Variants in PCDHGA5 observed in about 807,000 individuals in gnomAD.
PCDHGA5 encodes the protein protocadherin gamma subfamily A, 5.
In PCDHGA5, 36 loss-of-function variants were observed where a neutral mutation model predicts 56.7. The ratio of observed to expected loss-of-function variants is 0.64; its 90% CI spans 0.49 to 0.84. The LOEUF is 0.84. PCDHGA5 is among the 40% of genes least tolerant of loss of function. PCDHGA5 has a pLI of 0.00. For synonymous variants in PCDHGA5, 563 were observed against 520.2 expected, an observed-to-expected ratio of 1.08 and a Z score of -1.12; for missense variants, 1,305 against 1,201.5, an observed-to-expected ratio of 1.09 and a Z score of -1.27.
At position 141,490,712 on chromosome 5, in the gene PCDHGA5, A is replaced by T; in HGVS notation, c.2422-4095A>T. The stretch of plus-strand genomic sequence containing the variant: ...ACTGGGGATAATGCCCGCCTCACCT[A>T]CTCCATTGTAGGAAATCAGGTTCAG... On this transcript the variant is annotated intron_variant, in intron 1 of 3. Transcript: ENST00000518069. The surrounding 1 kb of genome is among the most constrained non-coding windows in gnomAD (Gnocchi z 5.4). The T allele has an allele frequency of 6.2e-7, 1 of 1,613,686 alleles. No homozygotes were observed. The highest frequency in any genetic ancestry group is 8.5e-7 in the Non-Finnish European group (1 of 1,179,894).
In PCDHGA5 at chr5:141,432,476, A is replaced by C; in HGVS notation, c.2422-62331A>C. 6.2e-7 allele frequency: 1 copy of C among 1,614,080 alleles called. No homozygotes were observed. The highest frequency in any genetic ancestry group is 8.5e-7 in the Non-Finnish European group (1 of 1,180,012). Reference sequence around the variant, plus strand: ...CCCCGCCCTCCCCACGGACGGTTCCACTGGCGTGGAGCTGGCTCCCCGCTC... The same window carrying C: ...CCCCGCCCTCCCCACGGACGGTTCCCCTGGCGTGGAGCTGGCTCCCCGCTC... On this transcript the variant is annotated intron_variant, in intron 1 of 3. Transcript: ENST00000518069. The surrounding 1 kb of genome is among the most constrained non-coding windows in gnomAD (Gnocchi z 6.0).
chr5:141,400,566 A>G (rs754437274), intron 1 of PCDHGA5: 94 of 1,612,572 alleles, frequency 5.8e-5, no homozygotes, highest in Non-Finnish European at 7.7e-5. Flanking sequence ...TACCCACCCA[A>G]TTTTCTGTAT....
Position 141,489,510 on chromosome 5 carries a change from T to A in PCDHGA5, c.2422-5297T>A, listed in dbSNP as rs762210983. 1 of 1,614,124 alleles carries A rather than the reference T, an allele frequency of 6.2e-7. No individual in the cohort carries two copies. The highest frequency in any genetic ancestry group is 1.7e-5 in the Admixed American group (1 of 60,022). On this transcript the variant is annotated intron_variant, in intron 1 of 3. Transcript: ENST00000518069. This position sits in a 1 kb window ranked among gnomAD's most constrained non-coding sequence, Gnocchi z 4.5. Reference sequence around the variant, plus strand: ...GTGCCCTGGCAGTGAATCAAAAGATTGACCGAGAAAGCCTATGTGGAGCCA... The same window carrying A: ...GTGCCCTGGCAGTGAATCAAAAGATAGACCGAGAAAGCCTATGTGGAGCCA...
intron 1 of PCDHGA5, chr5:141,375,739 G>T (rs760131359): frequency 5.6e-6 from 9 of 1,614,126 alleles, no homozygotes; most frequent in East Asian, 4.5e-5. Context: ...GCCTGTTTGT[G>T]CTGGACCAGA....
intron 1 of PCDHGA5, chr5:141,418,428 A>G: frequency 6.2e-7 from 1 of 1,613,980 alleles, no homozygotes; most frequent in Non-Finnish European, 8.5e-7. Flanking sequence ...GATGGTGGCA[A>G]ATATCCAGAA....
At chr5:141,418,130 G>A in intron 1 of PCDHGA5, 3 of 1,614,106 alleles carry the variant, frequency 1.9e-6, no homozygotes, top group Non-Finnish European at 2.5e-6. Flanking sequence ...GGACCGAATA[G>A]ACCGTGAGCA....
In PCDHGA5 at chr5:141,365,283, A is replaced by C; in HGVS notation, c.953A>C (p.Glu318Ala). The C allele has an allele frequency of 6.2e-7, 1 of 1,614,010 alleles. No individual in the cohort carries two copies. Among genetic ancestry groups the C allele is most frequent in the East Asian group, 2.2e-5 (1 of 44,876 alleles). ...GAAGAATCCAGATTCTACCTCATGG[A>C]AGTGGTAGCTCAGGATGGAGGCGCT... ...DYEESRFYLM[E>A]VVAQDGGALV... The change falls in exon 1 of 4, where the codon GAA becomes GCA. Residue 318 changes from glutamate to alanine, a missense_variant. Coordinates refer to ENST00000518069, the MANE Select transcript of PCDHGA5 (RefSeq NM_018918.3).
At chr5:141,410,441 A>C (rs1242063924) in intron 1 of PCDHGA5, 1 of 1,613,828 alleles carries the variant, frequency 6.2e-7, no homozygotes, top group South Asian at 1.1e-5. Flanking sequence ...CAGTGAGGGG[A>C]CTTTGCCTTA....
chr5:141,440,902 G>C (rs138147244), intron 1 of PCDHGA5: 1 of 152,110 alleles, frequency 6.6e-6, no homozygotes, highest in Admixed American at 6.6e-5. Context: ...ATGTGCATCC[G>C]GGCACTCCTG....
chr5:141,446,251 A>G (rs979768028), intron 1 of PCDHGA5, among the ~76,000 whole-genome samples: 1 of 152,178 alleles, frequency 6.6e-6, no homozygotes, highest in Admixed American at 6.5e-5. Context: ...ATCTTCAGTG[A>G]AATATTATTA....
chr5:141,482,661 T>G (rs1215403061), intron 1 of PCDHGA5, among the ~76,000 whole-genome samples: 1 of 151,742 alleles, frequency 6.6e-6, no homozygotes, highest in Non-Finnish European at 1.5e-5. Flanking sequence ...TGAGCTATGA[T>G]CTAAAGGTTG....
At chr5:141,404,815 G>A in intron 1 of PCDHGA5, 2 of 1,610,532 alleles carry the variant, frequency 1.2e-6, no homozygotes, top group South Asian at 1.1e-5. Flanking sequence ...CGGTGGGGCT[G>A]CACACAGGTG....
rs1591337394 is a variant in PCDHGA5, at chr5:141,434,573, C to A, written c.2422-60234C>A. 2.0e-5 allele frequency among the ~76,000 whole-genome samples: 3 copies of A among 152,336 alleles called. No individual in the cohort carries two copies. The South Asian group carries it at 6.2e-4, about 32-fold the overall frequency. On this transcript the variant is annotated intron_variant, in intron 1 of 3. Transcript: ENST00000518069. The stretch of plus-strand genomic sequence containing the variant: ...TCTGTGCCTTAAGGACATGCCCCTG[C>A]TGCAGATAACTACCTCAATCCATCC...
At chr5:141,375,521 G>A in intron 1 of PCDHGA5, 1 of 1,613,994 alleles carries the variant, frequency 6.2e-7, no homozygotes, top group Non-Finnish European at 8.5e-7. Context: ...ACTGGACCCT[G>A]ACGTGGACCA....
At chr5:141,433,481 G>C (rs2097613311) in intron 1 of PCDHGA5, among the ~76,000 whole-genome samples, 1 of 152,046 alleles carries the variant, frequency 6.6e-6, no homozygotes, top group African/African-American at 2.4e-5. Flanking sequence ...CTAGCCTCCT[G>C]CTTCTCCCTC....
At chr5:141,473,884 G>T (rs1162382168) in intron 1 of PCDHGA5, among the ~76,000 whole-genome samples, 1 of 152,162 alleles carries the variant, frequency 6.6e-6, no homozygotes, top group African/African-American at 2.4e-5. Context: ...ATACACAAGG[G>T]TTCTGTTGGT....
At chr5:141,393,218 C>G (rs1157907229) in intron 1 of PCDHGA5, 2 of 1,613,598 alleles carry the variant, frequency 1.2e-6, no homozygotes, top group Admixed American at 3.3e-5. Flanking sequence ...AATTCCAGGT[C>G]GAAGATCTAG....
chr5:141,438,601 T>C (rs2098005462), intron 1 of PCDHGA5, among the ~76,000 whole-genome samples: 6 of 26,284 alleles, frequency 2.3e-4, no homozygotes, highest in African/African-American at 1.3e-3. Flanking sequence ...CATATATATA[T>C]ATATATATAT....
intron 1 of PCDHGA5, among the ~76,000 whole-genome samples, chr5:141,382,554 T>C (rs1388983108): frequency 6.6e-6 from 1 of 152,216 alleles, no homozygotes; most frequent in African/African-American, 2.4e-5. Flanking sequence ...CAGGGATATC[T>C]AGAGCAAAGA....
Sources: allele counts gnomAD v4.1 joint callset (sites outside exome capture counted in the v4.1 genomes callset), GRCh38; gene constraint gnomAD v4.1.1; non-coding constraint Gnocchi (gnomAD v3.1); transcripts MANE v1.5; gene names NCBI Gene and HGNC (gene_info 2026-07-23, HGNC 2026-07-21).